ABCC4: variants seen among roughly 807,000 people sequenced by gnomAD.
The protein encoded by ABCC4 is ATP-binding cassette sub-family C member 4.
Under a neutral mutation model 168.5 loss-of-function variants are expected in ABCC4, and 102 were observed. The observed-to-expected ratio is 0.61, with a 90% CI of 0.52 to 0.71. The LOEUF (loss-of-function observed/expected upper bound fraction) is 0.71. ABCC4 is among the 30% of genes least tolerant of loss of function. The pLI, the probability that ABCC4 is intolerant of heterozygous loss-of-function variation, is 0.00. For synonymous variants in ABCC4, 617 were observed against 590.7 expected (o/e 1.04, Z -0.65); for missense variants, 1,402 against 1,605.8 (o/e 0.87, Z 2.17).
At chr13:95,293,906 A>G (rs1372883200) in intron 1 of ABCC4, among the ~76,000 whole-genome samples, 2 of 151,856 alleles carry the variant, frequency 1.3e-5, no homozygotes, top group African/African-American at 2.4e-5. Context: ...CGGTCTCCCA[A>G]GTAGCTGGGA....
At chr13:95,061,322 C>T (rs2033283034) in intron 26 of ABCC4, among the ~76,000 whole-genome samples, 1 of 152,170 alleles carries the variant, frequency 6.6e-6, no homozygotes, top group Admixed American at 6.5e-5. Flanking sequence ...TTTACATTCC[C>T]ACCAACAGTG....
intron 1 of ABCC4, among the ~76,000 whole-genome samples, chr13:95,262,816 G>A (rs2040567399): frequency 6.6e-6 from 1 of 152,026 alleles, no homozygotes; most frequent in South Asian, 2.1e-4. Context: ...TGTATTTTTA[G>A]TAGAGACGAG....
chr13:95,199,100 A>G (rs1248393078), intron 8 of ABCC4, among the ~76,000 whole-genome samples: 2 of 150,018 alleles, frequency 1.3e-5, no homozygotes, highest in African/African-American at 4.9e-5. Flanking sequence ...TGTTCTGCAC[A>G]TGTGTCCCAG....
chr13:95,220,160 C>T (rs2039274451), intron 4 of ABCC4, among the ~76,000 whole-genome samples: 2 of 148,370 alleles, frequency 1.3e-5, no homozygotes, highest in Admixed American at 1.4e-4. Context: ...ACCAACGTGC[C>T]CAGCCTGCTT....
chr13:95,229,380 C>T (rs773834844), intron 4 of ABCC4, among the ~76,000 whole-genome samples: 13 of 152,162 alleles, frequency 8.5e-5, no homozygotes, highest in East Asian at 3.9e-4. Context: ...AAAGTGAAGA[C>T]GAGCAGTTTT....
At chr13:95,046,429 G>C (rs2032582395) in intron 27 of ABCC4, among the ~76,000 whole-genome samples, 1 of 152,116 alleles carries the variant, frequency 6.6e-6, no homozygotes, top group South Asian at 2.1e-4. Flanking sequence ...TGTCTTCTGA[G>C]ACTCTGTCAT....
chr13:95,140,322 G>T (rs2036278656), intron 19 of ABCC4, among the ~76,000 whole-genome samples: 1 of 152,200 alleles, frequency 6.6e-6, no homozygotes, highest in African/African-American at 2.4e-5. Flanking sequence ...CAGCCAAACA[G>T]GCTACAGATT....
At position 95,234,614 on chromosome 13, in the gene ABCC4, C is replaced by T. The variant is rs773871274; in HGVS notation, c.527G>A (p.Arg176Gln). Residue 176 changes from arginine (R) to glutamine (Q), a missense_variant, in exon 4 of 31, where the codon CGG becomes CAG. Around this residue, in one of 3 missense-constraint regions of ABCC4, gnomAD observed 317 missense variants for 345.5 expected, o/e 0.92. Transcript: ENST00000645237. Reference sequence around the variant, plus strand: ...TTAATGCTGAATGTCACTTACCTTCCGATAAATCATATGGCACATGGCTAC... The same window carrying T: ...TTAATGCTGAATGTCACTTACCTTCTGATAAATCATATGGCACATGGCTAC... ...LRVAMCHMIY[R>Q]KALRLSNMAM... The T allele has an allele frequency of 2.4e-5, 38 of 1,612,656 alleles. No individual in the cohort carries two copies. Among genetic ancestry groups the T allele is most frequent in the East Asian group, 6.7e-5 (3 of 44,862 alleles).
At chr13:95,217,412 TC>T (rs1344766451) in intron 4 of ABCC4, among the ~76,000 whole-genome samples, 10 of 152,140 alleles carry the variant, frequency 6.6e-5, no homozygotes, top group Admixed American at 5.2e-4. Flanking sequence ...CAGATGTCTT[TC>T]CCCCCTCTCT....
chr13:95,296,177 CACACACAAAA>C lies in ABCC4; in HGVS notation c.74+5054_74+5063del, dbSNP rs761538629. On this transcript the variant is annotated intron_variant, in intron 1 of 30. Transcript: ENST00000645237. ...ACACACACACACACACACACACACA[CACACACAAAA>C]ACACAAAATTAAATGGCCAGGAATA... Among the ~76,000 whole-genome samples, 5 of 69,792 alleles carry C rather than the reference CACACACAAAA, an allele frequency of 7.2e-5. No individual in the cohort carries two copies. In the South Asian group the frequency reaches 1.5e-3, roughly 21 times the overall value. 45.8% of individuals were successfully genotyped at this position (69,792 alleles called of 152,430 possible).
At chr13:95,154,238 T>G (rs1473194842) in intron 19 of ABCC4, among the ~76,000 whole-genome samples, 2 of 152,200 alleles carry the variant, frequency 1.3e-5, no homozygotes, top group African/African-American at 4.8e-5. Context: ...ATGACTAACT[T>G]CTTCCTTTGA....
At chr13:95,166,968 C>A (rs1422346348) in intron 14 of ABCC4, among the ~76,000 whole-genome samples, 2 of 152,078 alleles carry the variant, frequency 1.3e-5, no homozygotes, top group Non-Finnish European at 2.9e-5. Context: ...AGGTGGATCA[C>A]CTGAGGTCAG....
chr13:95,235,439 A>G (rs1025248927), intron 3 of ABCC4, among the ~76,000 whole-genome samples: 2 of 152,196 alleles, frequency 1.3e-5, no homozygotes, highest in Non-Finnish European at 2.9e-5. Context: ...CCTAAGGTGA[A>G]TAAGGAAAAA....
chr13:95,256,270 A>C (rs550745632), intron 1 of ABCC4, among the ~76,000 whole-genome samples: 1 of 152,314 alleles, frequency 6.6e-6, no homozygotes, highest in East Asian at 1.9e-4. Context: ...CTGCAGCCCA[A>C]GTTATGCGGC....
chr13:95,057,291 G>C (rs2033099356), intron 26 of ABCC4, among the ~76,000 whole-genome samples: 1 of 151,922 alleles, frequency 6.6e-6, no homozygotes, highest in Admixed American at 6.6e-5. Flanking sequence ...CCAGGCTGGA[G>C]TGCAGTGGCA....
chr13:95,164,265 G>T, intron 16 of ABCC4, 113 bp downstream of exon 16: 1 of 1,355,120 alleles, frequency 7.4e-7, no homozygotes, highest in Non-Finnish European at 1.0e-6. Context: ...GTTCCCCAAA[G>T]ACAGCACATT....
At chr13:95,061,228 C>A (rs777361027) in intron 26 of ABCC4, among the ~76,000 whole-genome samples, 4 of 152,134 alleles carry the variant, frequency 2.6e-5, no homozygotes, top group Non-Finnish European at 4.4e-5. Flanking sequence ...GCTTTTAATT[C>A]TTTCTGGAAG....
chr13:95,213,040 T>C (rs1386820251), intron 4 of ABCC4, among the ~76,000 whole-genome samples: 1 of 151,276 alleles, frequency 6.6e-6, no homozygotes, highest in African/African-American at 2.4e-5. Flanking sequence ...GGCAGGAGAA[T>C]CACTTGAACC....
intron 1 of ABCC4, among the ~76,000 whole-genome samples, chr13:95,296,444 CT>C (rs1356463491): frequency 6.6e-6 from 1 of 152,118 alleles, no homozygotes; most frequent in African/African-American, 2.4e-5. Context: ...CTTGTGTTTG[CT>C]TCTATAGTCA....
Sources: allele counts gnomAD v4.1 joint callset (sites outside exome capture counted in the v4.1 genomes callset), GRCh38; gene constraint gnomAD v4.1.1; regional missense constraint gnomAD v4.1.1; transcripts MANE v1.5; gene names NCBI Gene and HGNC (gene_info 2026-07-23, HGNC 2026-07-21).